Variants in AHI1 observed in about 807,000 individuals in gnomAD.
AHI1 encodes the protein jouberin.
Under a neutral mutation model 149.3 loss-of-function variants are expected in AHI1, and 123 were observed. That is an observed-to-expected ratio of 0.82 (90% CI 0.71 to 0.96). The LOEUF is 0.96. Ranked by LOEUF, AHI1 falls within the 40% of genes least tolerant of loss-of-function variation. AHI1 has a pLI of 0.00. For synonymous variants in AHI1, 475 were observed against 459.8 expected (o/e 1.03, Z -0.42); for missense variants, 1,439 against 1,422.7 (o/e 1.01, Z -0.18).
Position 135,302,405 on chromosome 6 carries a change from A to G in AHI1, c.3427-1847T>C, listed in dbSNP as rs914386556. On this transcript the variant is annotated intron_variant, in intron 26 of 28. Transcript: ENST00000265602. ...TATTTTTTGTTATCCTGAAAAATGA[A>G]TAATATGTTGCCATGTGCAGGTCTT... is the stretch of plus-strand genomic sequence containing the variant. 1.1e-5 allele frequency: 11 copies of G among 989,292 alleles called. No individual in the cohort carries two copies. The East Asian group carries it at 3.3e-4, about 30-fold the overall frequency. 61.3% of individuals were successfully genotyped at this position (989,292 alleles called of 1,614,324 possible). A position where few individuals can be genotyped will look rare whatever the true frequency, so the allele number is the denominator to read the frequency against.
At position 135,331,417 on chromosome 6, in the gene AHI1, C is replaced by T. The variant is rs148800832; in HGVS notation, c.3166-8093G>A. Among the ~76,000 whole-genome samples the T allele has an allele frequency of 2.0e-5, 3 of 152,256 alleles. No individual in the cohort carries two copies. The East Asian group carries it at 5.8e-4, about 29-fold the overall frequency. On this transcript the variant is annotated intron_variant, in intron 24 of 28. Coordinates refer to ENST00000265602, the MANE Select transcript of AHI1 (RefSeq NM_001134831.2). Reference sequence around the variant, plus strand: ...TGGCAAGTTTTGTTTTTTTGACACACTATTTTCACTCTTTTCCAGCACTGC... The same window carrying T: ...TGGCAAGTTTTGTTTTTTTGACACATTATTTTCACTCTTTTCCAGCACTGC...
At chr6:135,387,879 G>T (rs928872893) in intron 23 of AHI1, 2 of 1,542,054 alleles carry the variant, frequency 1.3e-6, no homozygotes, top group African/African-American at 2.7e-5. Flanking sequence ...AGGAAATGTG[G>T]AGACATTTAT....
chr6:135,343,726 A>C (rs1409893933), intron 24 of AHI1, among the ~76,000 whole-genome samples: 1 of 151,768 alleles, frequency 6.6e-6, no homozygotes, highest in Non-Finnish European at 1.5e-5. Flanking sequence ...TGGATCCTTA[A>C]CTCACACCAT....
chr6:135,445,601 C>G (rs1413579253), intron 13 of AHI1, among the ~76,000 whole-genome samples: 2 of 152,070 alleles, frequency 1.3e-5, no homozygotes, highest in African/African-American at 2.4e-5. Flanking sequence ...GAGATGGGAT[C>G]TCATTCTGTC....
At chr6:135,368,485 A>G (rs998935402) in intron 23 of AHI1, among the ~76,000 whole-genome samples, 2 of 152,198 alleles carry the variant, frequency 1.3e-5, no homozygotes, top group African/African-American at 2.4e-5. Context: ...GTACCAGGAC[A>G]GGTAGAGAAA....
intron 5 of AHI1, among the ~76,000 whole-genome samples, chr6:135,481,305 T>C (rs909807240): frequency 2.6e-5 from 4 of 152,234 alleles, no homozygotes; most frequent in African/African-American, 7.2e-5. Flanking sequence ...ACTAAGACAG[T>C]TGTTAAATCA....
chr6:135,372,783 C>T lies in AHI1; in HGVS notation c.3110-14596G>A, dbSNP rs1775262555. Among the ~76,000 whole-genome samples the T allele has an allele frequency of 3.9e-5, 6 of 152,178 alleles. 1 individual carries two copies. In the South Asian group the frequency reaches 1.2e-3, roughly 32 times the overall value. On this transcript the variant is annotated intron_variant, in intron 23 of 28. Coordinates refer to ENST00000265602, the MANE Select transcript of AHI1 (RefSeq NM_001134831.2). ...AGTAAATTAGAAGGTAGGTAACATT[C>T]CTAAGGTCATATAACTAAAAGCAGC...
At chr6:135,331,069 C>A (rs1788521175) in intron 24 of AHI1, among the ~76,000 whole-genome samples, 1 of 152,194 alleles carries the variant, frequency 6.6e-6, no homozygotes, top group African/African-American at 2.4e-5. Flanking sequence ...ATAGAAATAT[C>A]TTTCTTGACC....
intron 8 of AHI1, among the ~76,000 whole-genome samples, chr6:135,458,444 C>G (rs1012840487): frequency 7.9e-5 from 12 of 152,296 alleles, no homozygotes; most frequent in African/African-American, 2.9e-4. Flanking sequence ...TACAGAGAAG[C>G]TAGAGAGGTA....
At chr6:135,436,520 G>A (rs1284724531) in intron 15 of AHI1, among the ~76,000 whole-genome samples, 2 of 152,146 alleles carry the variant, frequency 1.3e-5, no homozygotes, top group Non-Finnish European at 2.9e-5. Context: ...ACTCCTGATG[G>A]TGTAGAAAAA....
At chr6:135,333,297 T>C (rs1050270203) in intron 24 of AHI1, among the ~76,000 whole-genome samples, 3 of 152,226 alleles carry the variant, frequency 2.0e-5, no homozygotes, top group Admixed American at 6.5e-5. Flanking sequence ...TCCTGAATTG[T>C]ACAGAAGCAC....
chr6:135,352,710 T>TAC (rs1383678378), intron 24 of AHI1, among the ~76,000 whole-genome samples: 19 of 142,206 alleles, frequency 1.3e-4, no homozygotes, highest in South Asian at 8.8e-4. Flanking sequence ...TGTATATATA[T>TAC]ATACACACAC....
intron 20 of AHI1, among the ~76,000 whole-genome samples, chr6:135,420,929 T>G (rs1377519717): frequency 2.0e-5 from 3 of 152,136 alleles, no homozygotes; most frequent in Non-Finnish European, 4.4e-5. Context: ...ACTTCTACCT[T>G]TTTATTTATA....
rs1329423306 is a variant in AHI1 at position 135,478,445 on chromosome 6, A to T, written c.136-10811T>A. Among the ~76,000 whole-genome samples, 4 of 152,276 alleles carry T rather than the reference A, an allele frequency of 2.6e-5. No individual in the cohort carries two copies. In the South Asian group the frequency reaches 8.3e-4, roughly 32 times the overall value. On this transcript the variant is annotated intron_variant, in intron 5 of 28. Transcript: ENST00000265602. Reference sequence around the variant, plus strand: ...GCGGCACTGTGACCCTGCTCTAGAGATATGCAGAGCACTGAACTTGAGAGA... The same window carrying T: ...GCGGCACTGTGACCCTGCTCTAGAGTTATGCAGAGCACTGAACTTGAGAGA...
At chr6:135,336,911 C>CA (rs919515597) in intron 24 of AHI1, among the ~76,000 whole-genome samples, 1 of 152,146 alleles carries the variant, frequency 6.6e-6, no homozygotes, top group Non-Finnish European at 1.5e-5. Context: ...CATATACACA[C>CA]ACACATACAC....
intron 24 of AHI1, among the ~76,000 whole-genome samples, chr6:135,345,720 A>T (rs554697865): frequency 3.3e-5 from 5 of 152,336 alleles, no homozygotes; most frequent in South Asian, 2.1e-4. Flanking sequence ...CGAATGTTTT[A>T]AAATTAGATA....
intron 23 of AHI1, among the ~76,000 whole-genome samples, chr6:135,366,544 T>A (rs1028392948): frequency 6.6e-6 from 1 of 152,220 alleles, no homozygotes; most frequent in African/African-American, 2.4e-5. Flanking sequence ...AATTTATCTA[T>A]CTCCTCTAGG....
In AHI1 at chr6:135,455,942, T is replaced by C. The variant is rs370282499; in HGVS notation, c.1152-16A>G. The C allele has an allele frequency of 1.5e-6, 2 of 1,374,976 alleles. No homozygotes were observed. Among genetic ancestry groups the C allele is most frequent in the Non-Finnish European group, 1.9e-6 (2 of 1,050,216 alleles). The allele number at this position is 1,374,976 out of a possible 1,614,324, so 85.2% of individuals were successfully genotyped here. A position where few individuals can be genotyped will look rare whatever the true frequency, so the allele number is the denominator to read the frequency against. ...AGGCCGTCCACTGTACAAAAAAAGATACTTCCATTAACACAATTTTCATAA... is the reference window on the plus strand; with the variant it reads ...AGGCCGTCCACTGTACAAAAAAAGACACTTCCATTAACACAATTTTCATAA... On this transcript the variant is annotated splice_polypyrimidine_tract_variant and intron_variant, in intron 9 of 28. Transcript: ENST00000265602.
chr6:135,468,851 T>C (rs1791238545), intron 5 of AHI1, among the ~76,000 whole-genome samples: 1 of 152,038 alleles, frequency 6.6e-6, no homozygotes, highest in African/African-American at 2.4e-5. Context: ...ATTGAGGCAG[T>C]AATAAACAGC....
Sources: allele counts gnomAD v4.1 joint callset (sites outside exome capture counted in the v4.1 genomes callset), GRCh38; gene constraint gnomAD v4.1.1; transcripts MANE v1.5; gene names NCBI Gene and HGNC (gene_info 2026-07-23, HGNC 2026-07-21).